Variants in LRP1B observed in about 807,000 individuals in gnomAD.
LRP1B encodes LDL receptor related protein 1B, also known as low-density lipoprotein receptor-related protein 1B.
In LRP1B, 217 loss-of-function variants were observed where a neutral mutation model predicts 556.6. That is an observed-to-expected ratio of 0.39 (90% CI 0.35 to 0.44). LRP1B has a LOEUF of 0.44. LRP1B is among the 20% of genes least tolerant of loss of function. The pLI, the probability that LRP1B is intolerant of heterozygous loss-of-function variation, is 1.00. For synonymous variants in LRP1B, 2,047 were observed against 1,865.8 expected (o/e 1.10, Z -2.50); for missense variants, 5,053 against 5,620.8 (o/e 0.90, Z 3.23).
At chr2:140,404,795 T>C (rs1445684615) in intron 66 of LRP1B, among the ~76,000 whole-genome samples, 1 of 152,040 alleles carries the variant, frequency 6.6e-6, no homozygotes, top group Non-Finnish European at 1.5e-5. Flanking sequence ...TTATATCAGA[T>C]AAAACAGACT....
At chr2:141,137,709 T>C (rs1471888419) in intron 7 of LRP1B, among the ~76,000 whole-genome samples, 1 of 151,938 alleles carries the variant, frequency 6.6e-6, no homozygotes, top group African/African-American at 2.4e-5. Flanking sequence ...AATAATGATA[T>C]TTTATTCATC....
At chr2:140,572,751 A>G (rs1681371179) in intron 43 of LRP1B, among the ~76,000 whole-genome samples, 1 of 151,330 alleles carries the variant, frequency 6.6e-6, no homozygotes, top group Non-Finnish European at 1.5e-5. Flanking sequence ...AGGGCAATAG[A>G]TAAAGAAAAT....
intron 31 of LRP1B, among the ~76,000 whole-genome samples, chr2:140,816,264 C>T (rs973045507): frequency 1.3e-5 from 2 of 151,840 alleles, no homozygotes; most frequent in Admixed American, 6.6e-5. Context: ...ACTATAGGCA[C>T]GTGCCACCAC....
intron 1 of LRP1B, among the ~76,000 whole-genome samples, chr2:142,041,845 A>C (rs1224441227): frequency 6.6e-6 from 1 of 151,554 alleles, no homozygotes; most frequent in East Asian, 1.9e-4. Flanking sequence ...TGTATTTCTC[A>C]GAACTTCTCA....
chr2:141,081,588 A>T (rs10496867), intron 7 of LRP1B, among the ~76,000 whole-genome samples: 5 of 152,058 alleles, frequency 3.3e-5, no homozygotes, highest in South Asian at 2.1e-4. Context: ...AGTTTACTGG[A>T]GGAATAAGAA....
In LRP1B at chr2:140,501,169, A is replaced by G. The variant is rs554142677; in HGVS notation, c.8850+518T>C. On this transcript the variant is annotated intron_variant, in intron 55 of 90. Coordinates refer to ENST00000389484, the MANE Select transcript of LRP1B (RefSeq NM_018557.3). Reference sequence around the variant, plus strand: ...GGTACTTACAATCAACAATTAGGATATTACATATGGTTTATTTTAGTGTAT... The same window carrying G: ...GGTACTTACAATCAACAATTAGGATGTTACATATGGTTTATTTTAGTGTAT... Among the ~76,000 whole-genome samples, 264 of 152,128 alleles carry G rather than the reference A, an allele frequency of 1.7e-3. 2 individuals are homozygous for G. The highest frequency in any genetic ancestry group is 6.2e-3 in the African/African-American group (257 of 41,538).
At chr2:140,676,756 T>A (rs2105369569) in intron 41 of LRP1B, among the ~76,000 whole-genome samples, 1 of 152,326 alleles carries the variant, frequency 6.6e-6, no homozygotes, top group East Asian at 1.9e-4. Flanking sequence ...ATAAATGACT[T>A]ACTCCCTTGT....
chr2:141,705,498 T>A (rs1267856292), intron 2 of LRP1B, among the ~76,000 whole-genome samples: 1 of 152,036 alleles, frequency 6.6e-6, no homozygotes, highest in African/African-American at 2.4e-5. Context: ...TAGTGCTTAA[T>A]GATTGCTTTT....
At chr2:141,172,692 C>G (rs1332853926) in intron 7 of LRP1B, among the ~76,000 whole-genome samples, 1 of 151,840 alleles carries the variant, frequency 6.6e-6, no homozygotes, top group East Asian at 1.9e-4. Flanking sequence ...ATGCAATATT[C>G]AATTGGCTGA....
At chr2:142,055,269 G>C (rs1171672345) in intron 1 of LRP1B, among the ~76,000 whole-genome samples, 1 of 152,026 alleles carries the variant, frequency 6.6e-6, no homozygotes, top group Non-Finnish European at 1.5e-5. Flanking sequence ...TTTGGATAAA[G>C]GTAAGAAAAC....
intron 3 of LRP1B, among the ~76,000 whole-genome samples, chr2:141,285,017 G>C (rs1685652122): frequency 6.6e-6 from 1 of 151,702 alleles, no homozygotes; most frequent in African/African-American, 2.4e-5. Flanking sequence ...TGTATTCAGG[G>C]ACTTCACTAA....
intron 18 of LRP1B, among the ~76,000 whole-genome samples, chr2:140,974,501 A>G (rs765447031): frequency 3.9e-5 from 6 of 152,220 alleles, no homozygotes; most frequent in Non-Finnish European, 8.8e-5. Context: ...GAAAACTAAA[A>G]TAACTTTTAT....
At chr2:140,356,233 C>T in intron 75 of LRP1B, 109 bp downstream of exon 75, 1 of 1,121,830 alleles carries the variant, frequency 8.9e-7, no homozygotes, top group South Asian at 1.3e-5. Flanking sequence ...CCCGTAGATA[C>T]ACACCATTTT....
chr2:142,001,730 C>T (rs548089377), intron 1 of LRP1B, among the ~76,000 whole-genome samples: 39 of 152,214 alleles, frequency 2.6e-4, no homozygotes, highest in Non-Finnish European at 4.4e-4. Context: ...ATACTGCAGG[C>T]GTGTCCATAA....
chr2:141,025,200 GA>G (rs1447070150), intron 11 of LRP1B, among the ~76,000 whole-genome samples: 1 of 151,984 alleles, frequency 6.6e-6, no homozygotes, highest in Non-Finnish European at 1.5e-5. Flanking sequence ...ACTCTTATGG[GA>G]ATTCTGCACT....
chr2:141,096,629 G>GGAGA lies in LRP1B; in HGVS notation c.1014-34360_1014-34357dup, dbSNP rs756327718. ...CTGAATGACAAAGACGGGGAGAGGG[G>GGAGA]GAGAGAGAGAGAGAGAGAGAGAGAG... On this transcript the variant is annotated intron_variant, in intron 7 of 90. Transcript: ENST00000389484. Among the ~76,000 whole-genome samples the GGAGA allele has an allele frequency of 6.3e-3, 374 of 59,600 alleles. 4 individuals carry two copies. Among genetic ancestry groups the GGAGA allele is most frequent in the African/African-American group, 8.3e-3 (113 of 13,648 alleles). 39.1% of individuals were successfully genotyped at this position (59,600 alleles called of 152,430 possible). A position where few individuals can be genotyped will look rare whatever the true frequency, so the allele number is the denominator to read the frequency against.
At chr2:140,963,748 G>A (rs1017902811) in intron 18 of LRP1B, among the ~76,000 whole-genome samples, 4 of 152,084 alleles carry the variant, frequency 2.6e-5, no homozygotes, top group African/African-American at 9.7e-5. Flanking sequence ...CGTAAGGTCA[G>A]GAGTTCAAGA....
At chr2:140,394,211 G>GT (rs1684155543) in intron 66 of LRP1B, among the ~76,000 whole-genome samples, 1 of 95,552 alleles carries the variant, frequency 1.0e-5, no homozygotes. Context: ...TTTTTGTTTT[G>GT]TTTTTTGAAA....
At chr2:140,851,913 A>G (rs1304088055) in intron 27 of LRP1B, 130 bp from the exon 28 acceptor site, 1 of 632,078 alleles carries the variant, frequency 1.6e-6, no homozygotes, top group Non-Finnish European at 2.6e-6. Flanking sequence ...TAGTAGGGTG[A>G]TTAATATGAC....
Sources: gnomAD v4.1 joint callset for allele counts (sites outside exome capture counted in the v4.1 genomes callset) on GRCh38, gnomAD v4.1.1 for gene constraint, MANE v1.5 for transcripts, NCBI Gene and HGNC (gene_info 2026-07-23, HGNC 2026-07-21) for gene names.